Variants in SCARB2 observed in about 807,000 individuals in gnomAD.
SCARB2 encodes scavenger receptor class B member 2, also known as lysosome membrane protein 2.
A neutral mutation model predicts 58.6 loss-of-function variants in SCARB2; 29 were observed. The observed-to-expected ratio is 0.49, with a 90% CI of 0.37 to 0.67. SCARB2 has a LOEUF of 0.67. Ranked by LOEUF, SCARB2 falls within the 30% of genes least tolerant of loss-of-function variation. The probability of loss-of-function intolerance (pLI) is 0.00; values close to 1 mark genes in which losing one functional copy is unlikely to be tolerated. For synonymous variants in SCARB2, 195 were observed against 210.1 expected, an observed-to-expected ratio of 0.93 and a Z score of 0.62; for missense variants, 488 against 578.5, an observed-to-expected ratio of 0.84 and a Z score of 1.60.
chr4:76,232,908 C>A (rs957705503), intron 1 of SCARB2, among the ~76,000 whole-genome samples: 1 of 152,100 alleles, frequency 6.6e-6, no homozygotes, highest in African/African-American at 2.4e-5. Flanking sequence ...GCAGCAAAAA[C>A]CTTTAATAAC....
chr4:76,212,967 G>T (rs1460204069), intron 1 of SCARB2, among the ~76,000 whole-genome samples: 4 of 152,204 alleles, frequency 2.6e-5, no homozygotes, highest in Non-Finnish European at 1.5e-5. Flanking sequence ...GCCCAAGAGG[G>T]CAAGAACACA....
intron 1 of SCARB2, among the ~76,000 whole-genome samples, chr4:76,207,005 A>G (rs537505458): frequency 6.6e-6 from 1 of 152,328 alleles, no homozygotes; most frequent in South Asian, 2.1e-4. Context: ...TAAAACAGGG[A>G]TATTATGTAT....
chr4:76,213,457 G>A lies in SCARB2; in HGVS notation c.87C>T (p.Phe29=). Residue 29 remains phenylalanine, a synonymous_variant, in exon 1 of 12, where the codon TTC becomes TTT. Coordinates refer to ENST00000264896, the MANE Select transcript of SCARB2 (RefSeq NM_005506.4). ...TSVTLLVARV[F]QKAVDQSIEK... Reference sequence around the variant, plus strand: ...CGATACTCTGGTCTACAGCCTTCTGGAAGACCCGGGCCACCAGCAGCGTGA... The same window carrying A: ...CGATACTCTGGTCTACAGCCTTCTGAAAGACCCGGGCCACCAGCAGCGTGA... 1 of 1,610,472 alleles carries A rather than the reference G, an allele frequency of 6.2e-7. No individual in the cohort carries two copies. The highest frequency in any genetic ancestry group is 8.5e-7 in the Non-Finnish European group (1 of 1,178,362).
chr4:76,212,715 G>C (rs1365544287), intron 1 of SCARB2, among the ~76,000 whole-genome samples: 3 of 152,164 alleles, frequency 2.0e-5, no homozygotes, highest in Non-Finnish European at 4.4e-5. Context: ...CTTCTTAAAG[G>C]ACTGGCTCTC....
intron 1 of SCARB2, among the ~76,000 whole-genome samples, chr4:76,233,129 C>G (rs1427611480): frequency 2.6e-5 from 4 of 152,206 alleles, no homozygotes; most frequent in Non-Finnish European, 4.4e-5. Context: ...GCATGTAAAT[C>G]TATTTCCAGT....
At chr4:76,225,184 C>T (rs556362230) in intron 1 of SCARB2, among the ~76,000 whole-genome samples, 2 of 152,238 alleles carry the variant, frequency 1.3e-5, no homozygotes, top group South Asian at 2.1e-4. Context: ...TTTATCCACT[C>T]GCACTCGTTG....
intron 6 of SCARB2, chr4:76,174,932 A>G (rs757125725): frequency 3.4e-4 from 53 of 157,502 alleles, no homozygotes; most frequent in Non-Finnish European, 7.0e-4. Flanking sequence ...CACTGCTTAC[A>G]CTGCATAGTG....
chr4:76,214,263 C>T (rs1341766253), upstream of SCARB2: 4 of 455,748 alleles, frequency 8.8e-6, no homozygotes, highest in Admixed American at 4.7e-5. Context: ...CTACCAGGTG[C>T]CTGCTGAGAT....
chr4:76,217,900 C>G (rs762485194), upstream of SCARB2, among the ~76,000 whole-genome samples: 1 of 152,162 alleles, frequency 6.6e-6, no homozygotes, highest in African/African-American at 2.4e-5. Context: ...TAAGGGCTAT[C>G]GAGGGGAAGC....
In SCARB2 at chr4:76,161,425, A is replaced by C; in HGVS notation, c.*288T>G. 1 of 478,628 alleles carries C rather than the reference A, an allele frequency of 2.1e-6. No individual in the cohort carries two copies. Among genetic ancestry groups the C allele is most frequent in the Admixed American group, 3.4e-5 (1 of 29,110 alleles). 29.6% of individuals were successfully genotyped at this position (478,628 alleles called of 1,614,324 possible). A position where few individuals can be genotyped will look rare whatever the true frequency, so the allele number is the denominator to read the frequency against. On this transcript the variant is annotated 3_prime_UTR_variant, in exon 12 of 12. Transcript: ENST00000264896. ...CACAATAGTGGTCACAAAATTCTGG[A>C]GCTACCAGCACCCAACAACAACAAA...
rs34439485 is a variant in SCARB2 at position 76,169,692 on chromosome 4, T to C, written c.1113+175A>G. Among the ~76,000 whole-genome samples the C allele has an allele frequency of 5.1e-4, 78 of 152,310 alleles. 1 individual carries two copies. Among genetic ancestry groups the C allele is most frequent in the Admixed American group, 6.5e-4 (10 of 15,302 alleles). On this transcript the variant is annotated intron_variant, in intron 8 of 11. Coordinates refer to ENST00000264896, the MANE Select transcript of SCARB2 (RefSeq NM_005506.4). ...CTATTCAATCCACAAAATTCAGCCT[T>C]CTAATTACAGGGCTATGAGACAATG...
At position 76,167,682 on chromosome 4, in the gene SCARB2, CG is replaced by C. The variant is rs1298800801; in HGVS notation, c.1187+720del. On this transcript the variant is annotated intron_variant, in intron 9 of 11. Transcript: ENST00000264896. ...CTTTCCCTCCCTCCCTCCCCCCCCC[CG>C]CTTTTTTTTTTTTTCCTGAGACACA... 3.1e-3 allele frequency among the ~76,000 whole-genome samples: 327 copies of C among 103,942 alleles called. 2 individuals are homozygous for C. Among genetic ancestry groups the C allele is most frequent in the African/African-American group, 0.015 (300 of 20,582 alleles). 68.2% of individuals were successfully genotyped at this position (103,942 alleles called of 152,430 possible).
intron 2 of SCARB2, chr4:76,192,746 G>A (rs898374964): frequency 6.6e-6 from 1 of 152,128 alleles, no homozygotes; most frequent in Non-Finnish European, 1.5e-5. Context: ...TAGATACTTG[G>A]GAGGCTGAGG....
intron 9 of SCARB2, among the ~76,000 whole-genome samples, chr4:76,167,523 T>C (rs567046664): frequency 6.6e-6 from 1 of 152,274 alleles, no homozygotes; most frequent in South Asian, 2.1e-4. Context: ...CTTCTCCTTC[T>C]GCCATGAGCA....
intron 4 of SCARB2, 69 bp from the exon 5 acceptor site, chr4:76,176,597 G>A: frequency 9.2e-7 from 1 of 1,089,668 alleles, no homozygotes; most frequent in Non-Finnish European, 1.4e-6. Flanking sequence ...CTAGACTATG[G>A]TGCCCAGTTG....
chr4:76,161,640 G>C lies in SCARB2; in HGVS notation c.*73C>G. On this transcript the variant is annotated 3_prime_UTR_variant, in exon 12 of 12. Transcript: ENST00000264896. ...CAACAGGCAACAAGCCTGCAAGGAGGTGGAGGGTTTCCCCACGTCATCGTC... is the reference window on the plus strand; with the variant it reads ...CAACAGGCAACAAGCCTGCAAGGAGCTGGAGGGTTTCCCCACGTCATCGTC... 9 of 1,499,032 alleles carry C rather than the reference G, an allele frequency of 6.0e-6. No homozygotes were observed. The highest frequency in any genetic ancestry group is 8.4e-6 in the Non-Finnish European group (9 of 1,075,172). The allele number at this position is 1,499,032 out of a possible 1,614,324, so 92.9% of individuals were successfully genotyped here. A position where few individuals can be genotyped will look rare whatever the true frequency, so the allele number is the denominator to read the frequency against.
At position 76,174,080 on chromosome 4, in the gene SCARB2, T is replaced by C. The variant is rs1732192785; in HGVS notation, c.994+64A>G. 8 of 1,595,982 alleles carry C rather than the reference T, an allele frequency of 5.0e-6. No individual in the cohort carries two copies. In the East Asian group the frequency reaches 1.3e-4, roughly 27 times the overall value. On this transcript the variant is annotated intron_variant, in intron 7 of 11. Transcript: ENST00000264896. Reference sequence around the variant, plus strand: ...GCCACTACGCCCAGCTACATATTCTTTGTTGAACTCCAATCCTTCTGCATT... The same window carrying C: ...GCCACTACGCCCAGCTACATATTCTCTGTTGAACTCCAATCCTTCTGCATT...
chr4:76,172,876 A>G (rs1435062267), intron 7 of SCARB2: 1 of 152,078 alleles, frequency 6.6e-6, no homozygotes, highest in African/African-American at 2.4e-5. Context: ...ACTATTCAGG[A>G]GAAAGGGACT....
chr4:76,170,342 A>G (rs1361953750), intron 7 of SCARB2, among the ~76,000 whole-genome samples: 10 of 152,166 alleles, frequency 6.6e-5, no homozygotes. Context: ...CTCACTTTGC[A>G]TTTGAAGAAA....
Sources: gnomAD v4.1 joint callset for allele counts (sites outside exome capture counted in the v4.1 genomes callset) on GRCh38, gnomAD v4.1.1 for gene constraint, MANE v1.5 for transcripts, NCBI Gene and HGNC (gene_info 2026-07-23, HGNC 2026-07-21) for gene names.